The following C1orf21 variants were observed in gnomAD, a reference collection of about 807,000 sequenced individuals.
The protein encoded by C1orf21 is chromosome 1 open reading frame 21.
A neutral mutation model predicts 18.7 loss-of-function variants in C1orf21; 3 were observed. The observed-to-expected ratio is 0.16, with a 90% CI of 0.07 to 0.42. C1orf21 has a LOEUF of 0.42. Among genes scored for constraint, C1orf21 ranks in the 10% least tolerant of loss-of-function variants. C1orf21 has a pLI of 0.99. For missense variants in C1orf21, 104 were observed against 143.6 expected (o/e 0.72, Z 1.41); for synonymous variants, 41 against 46.4 (o/e 0.88, Z 0.47).
chr1:184,581,641 T>C (rs1439652632), intron 3 of C1orf21, among the ~76,000 whole-genome samples: 2 of 97,480 alleles, frequency 2.1e-5, no homozygotes, highest in African/African-American at 1.6e-4. Context: ...GTGGAATTTA[T>C]ATCATAGCTT....
chr1:184,448,357 T>C (rs987514918), intron 1 of C1orf21, among the ~76,000 whole-genome samples: 2 of 152,212 alleles, frequency 1.3e-5, no homozygotes, highest in Non-Finnish European at 2.9e-5. Flanking sequence ...GTGCTGGGAT[T>C]ACAGGCGTGG....
intron 1 of C1orf21, among the ~76,000 whole-genome samples, chr1:184,462,781 CAGA>C (rs1435488368): frequency 6.6e-6 from 1 of 152,018 alleles, no homozygotes. Context: ...CATCCAACAT[CAGA>C]AGAATTATAG....
intron 3 of C1orf21, among the ~76,000 whole-genome samples, chr1:184,524,617 T>A (rs1349129408): frequency 1.3e-5 from 2 of 152,122 alleles, no homozygotes; most frequent in Admixed American, 6.6e-5. Context: ...TGGGTTTTTT[T>A]ATATAGAACT....
intron 1 of C1orf21, among the ~76,000 whole-genome samples, chr1:184,438,243 C>T (rs1656888563): frequency 6.6e-6 from 1 of 152,162 alleles, no homozygotes; most frequent in Non-Finnish European, 1.5e-5. Flanking sequence ...TAGCTCAACT[C>T]CAAACTCTGT....
At chr1:184,483,142 C>G (rs996196950) in intron 2 of C1orf21, among the ~76,000 whole-genome samples, 3 of 152,210 alleles carry the variant, frequency 2.0e-5, no homozygotes, top group African/African-American at 7.2e-5. Context: ...CAGAAGGTTT[C>G]ATCTTCAGAT....
chr1:184,490,517 G>C (rs1263430294), intron 2 of C1orf21, among the ~76,000 whole-genome samples: 1 of 152,130 alleles, frequency 6.6e-6, no homozygotes, highest in East Asian at 1.9e-4. Flanking sequence ...AATATAGCAG[G>C]GGAGACTGGG....
chr1:184,399,182 CAG>C (rs1656109114), intron 1 of C1orf21, among the ~76,000 whole-genome samples: 1 of 151,936 alleles, frequency 6.6e-6, no homozygotes, highest in Non-Finnish European at 1.5e-5. Flanking sequence ...GTTGAGGAAA[CAG>C]GGATTTGTCT....
chr1:184,511,997 A>G (rs1212251748), intron 3 of C1orf21, among the ~76,000 whole-genome samples: 4 of 152,312 alleles, frequency 2.6e-5, no homozygotes, highest in Admixed American at 2.6e-4. Context: ...ACACAGAGCC[A>G]GACTGTATCA....
chr1:184,443,182 T>C (rs954362321), intron 1 of C1orf21, among the ~76,000 whole-genome samples: 1 of 152,190 alleles, frequency 6.6e-6, no homozygotes, highest in Non-Finnish European at 1.5e-5. Flanking sequence ...ACCATATACT[T>C]AGCATTTCTA....
At chr1:184,512,181 G>C (rs1658159700) in intron 3 of C1orf21, among the ~76,000 whole-genome samples, 1 of 152,102 alleles carries the variant, frequency 6.6e-6, no homozygotes, top group Non-Finnish European at 1.5e-5. Flanking sequence ...ATCATCAGTG[G>C]TTCATTTTTA....
At chr1:184,532,469 G>A (rs1325655266) in intron 3 of C1orf21, among the ~76,000 whole-genome samples, 1 of 152,126 alleles carries the variant, frequency 6.6e-6, no homozygotes, top group Non-Finnish European at 1.5e-5. Flanking sequence ...GAGAGGCCAG[G>A]CATTATGGCT....
intron 5 of C1orf21, among the ~76,000 whole-genome samples, chr1:184,608,209 G>C (rs1312649445): frequency 6.6e-6 from 1 of 152,186 alleles, no homozygotes; most frequent in Non-Finnish European, 1.5e-5. Flanking sequence ...TGGGAATATA[G>C]TGTCTTTACA....
chr1:184,536,819 C>A, intron 3 of C1orf21, among the ~76,000 whole-genome samples: 1 of 147,492 alleles, frequency 6.8e-6, no homozygotes, highest in African/African-American at 2.5e-5. Context: ...ATTTCGACAG[C>A]ATAGTCTGAT....
chr1:184,438,206 C>T (rs1183051355), intron 1 of C1orf21, among the ~76,000 whole-genome samples: 2 of 152,190 alleles, frequency 1.3e-5, no homozygotes, highest in Admixed American at 1.3e-4. Flanking sequence ...ACAGACTTCT[C>T]CTTCCTGATG....
intron 3 of C1orf21, among the ~76,000 whole-genome samples, chr1:184,528,012 T>G (rs1332663592): frequency 6.6e-6 from 1 of 152,234 alleles, no homozygotes; most frequent in Non-Finnish European, 1.5e-5. Context: ...AATATTGTTT[T>G]GATGATTAAA....
At chr1:184,410,634 TATATATATATATATATATATATATATATA>T (rs1240923550) in intron 1 of C1orf21, among the ~76,000 whole-genome samples, 2 of 3,434 alleles carry the variant, frequency 5.8e-4, no homozygotes, top group Non-Finnish European at 8.5e-4. Context: ...TATATATATA[TATATATATATATATATATATATATATATA>T]TTTTTTTTTT....
intron 1 of C1orf21, among the ~76,000 whole-genome samples, chr1:184,407,167 G>T (rs147530637): frequency 2.3e-3 from 345 of 152,166 alleles, no homozygotes; most frequent in Middle Eastern, 0.017. Flanking sequence ...TAGAGACAGG[G>T]TCTCACTATG....
chr1:184,477,666 A>G, intron 2 of C1orf21, 63 bp downstream of exon 2: 1 of 1,294,546 alleles, frequency 7.7e-7, no homozygotes, highest in East Asian at 2.3e-5. Flanking sequence ...TTTTTTATTG[A>G]TACATAATAT....
chr1:184,527,560 G>A (rs184112451), intron 3 of C1orf21, among the ~76,000 whole-genome samples: 3 of 152,242 alleles, frequency 2.0e-5, no homozygotes, highest in Non-Finnish European at 4.4e-5. Context: ...AGATGAGGGT[G>A]TCCACCCAGA....
Sources: allele counts gnomAD v4.1 joint callset (sites outside exome capture counted in the v4.1 genomes callset), GRCh38; gene constraint gnomAD v4.1.1; transcripts MANE v1.5; gene names NCBI Gene and HGNC (gene_info 2026-07-23, HGNC 2026-07-21).